The following POLR1C variants were observed in gnomAD, a reference collection of about 807,000 sequenced individuals.
POLR1C encodes RNA polymerase I and III subunit C, also known as DNA-directed RNA polymerases I and III subunit RPAC1.
Under a neutral mutation model 38.3 loss-of-function variants are expected in POLR1C, and 42 were observed. The ratio of observed to expected loss-of-function variants is 1.10; its 90% CI spans 0.86 to 1.42. The LOEUF (loss-of-function observed/expected upper bound fraction) is 1.42. Ranked by LOEUF, POLR1C falls within the 40% of genes most tolerant of loss-of-function variation. The pLI, the probability that POLR1C is intolerant of heterozygous loss-of-function variation, is 0.00. For missense variants in POLR1C, 507 were observed against 450.5 expected (o/e 1.13, Z -1.14); for synonymous variants, 163 against 163.9 (o/e 0.99, Z 0.04).
In POLR1C at chr6:43,538,947, G is replaced by A. The variant is rs1794519121; in HGVS notation, c.*4+9588G>A. 9 of 1,338,344 alleles carry A rather than the reference G, an allele frequency of 6.7e-6. No homozygotes were observed. In the South Asian group the frequency reaches 1.0e-4, roughly 16 times the overall value. The allele number at this position is 1,338,344 out of a possible 1,614,324, so 82.9% of individuals were successfully genotyped here. A position where few individuals can be genotyped will look rare whatever the true frequency, so the allele number is the denominator to read the frequency against. On this transcript the variant is annotated intron_variant, in intron 9 of 10. Transcript: ENST00000607635. ...AATACAGTCTCCTTCCAGAGGTCGG[G>A]GGTCAGGTAGCTGTAGGTCTTAGAA... is the stretch of plus-strand genomic sequence containing the variant.
intron 8 of POLR1C, chr6:43,526,618 C>T (rs376640716): frequency 8.9e-6 from 14 of 1,580,244 alleles, no homozygotes; most frequent in Non-Finnish European, 2.6e-6. Context: ...GGAAACTGAC[C>T]TGGTTCAGAA....
In POLR1C at chr6:43,517,334, A is replaced by C. The variant is rs562499631; in HGVS notation, c.98A>C (p.Tyr33Ser). ...NVHTTDFPGN[Y>S]SGYDDAWDQD... Reference sequence around the variant, plus strand: ...CATACTACTGACTTTCCCGGTAACTATTCCGGTTATGATGATGCCTGGGAC... The same window carrying C: ...CATACTACTGACTTTCCCGGTAACTCTTCCGGTTATGATGATGCCTGGGAC... The change falls in exon 2 of 9, where the codon TAT becomes TCT. Residue 33 changes from tyrosine to serine, a missense_variant. Tyr to Ser is a moderately radical substitution (Grantham distance 144, BLOSUM62 -2). Coordinates refer to ENST00000642195, the MANE Select transcript of POLR1C (RefSeq NM_203290.4). 6.2e-7 allele frequency: 1 copy of C among 1,613,888 alleles called. No individual in the cohort carries two copies. The highest frequency in any genetic ancestry group is 1.3e-5 in the African/African-American group (1 of 74,844).
downstream of POLR1C, among the ~76,000 whole-genome samples, chr6:43,522,135 CTG>C (rs550910439): frequency 2.0e-3 from 301 of 152,318 alleles, 1 homozygote; most frequent in Middle Eastern, 0.02. Context: ...ACGAAAGACA[CTG>C]TGAGAATGGT....
chr6:43,540,427 C>T (rs1242667900), intron 9 of POLR1C, among the ~76,000 whole-genome samples: 1 of 151,974 alleles, frequency 6.6e-6, no homozygotes, highest in Non-Finnish European at 1.5e-5. Context: ...TGCAGTGAGC[C>T]GAGATGGCGC....
chr6:43,529,678 T>C (rs1178052231), downstream of POLR1C: 1 of 160,422 alleles, frequency 6.2e-6, no homozygotes, highest in Non-Finnish European at 1.4e-5. Flanking sequence ...TTCTAGCACT[T>C]TGGAGGCTGA....
In POLR1C at chr6:43,520,745, C is replaced by G. The variant is rs762584743; in HGVS notation, c.776C>G (p.Pro259Arg). ...AAEELSRCFS[P>R]GVIEVQEVQG... Reference sequence around the variant, plus strand: ...GAGGAGTTGAGCAGGTGCTTCTCACCTGGTGTTATTGAGGTGCAGGAAGTC... The same window carrying G: ...GAGGAGTTGAGCAGGTGCTTCTCACGTGGTGTTATTGAGGTGCAGGAAGTC... Residue 259 changes from proline (P) to arginine (R), a missense_variant, in exon 7 of 9, where the codon CCT (proline) becomes CGT (arginine). By Grantham distance (103) the Pro-to-Arg change is moderately radical. Coordinates refer to ENST00000642195, the MANE Select transcript of POLR1C (RefSeq NM_203290.4). The G allele has an allele frequency of 6.2e-7, 1 of 1,614,090 alleles. No individual in the cohort carries two copies.
rs377011345 is a variant in POLR1C at position 43,527,685 on chromosome 6, G to A, written c.923-1564G>A. The A allele has an allele frequency of 9.9e-6, 16 of 1,613,922 alleles. No individual in the cohort carries two copies. The African/African-American group carries it at 2.1e-4, about 22-fold the overall frequency. On this transcript the variant is annotated intron_variant, in intron 8 of 8. Transcript: ENST00000304004. ...AACATCCTCACCAGTTGCTCCTCCAGCATCTCTTGAGACTCTGGGTTTTCA... is the reference window on the plus strand; with the variant it reads ...AACATCCTCACCAGTTGCTCCTCCAACATCTCTTGAGACTCTGGGTTTTCA...
chr6:43,535,136 C>A (rs1395106815), intron 9 of POLR1C, among the ~76,000 whole-genome samples: 1 of 150,326 alleles, frequency 6.7e-6, no homozygotes, highest in Non-Finnish European at 1.5e-5. Context: ...ACTAAAAATA[C>A]AAAAAATTAG....
intron 10 of POLR1C, among the ~76,000 whole-genome samples, chr6:43,556,784 A>C (rs1300455246): frequency 1.3e-5 from 2 of 152,352 alleles, no homozygotes; most frequent in East Asian, 3.9e-4. Flanking sequence ...CCATCAACAG[A>C]TGAATAAATG....
intron 2 of POLR1C, chr6:43,519,040 T>C: frequency 2.3e-6 from 1 of 444,444 alleles, no homozygotes; most frequent in South Asian, 2.1e-5. Context: ...GACTGAGTAG[T>C]GTCAACAAAA....
At chr6:43,556,000 C>T in intron 10 of POLR1C, 1 of 1,610,214 alleles carries the variant, frequency 6.2e-7, no homozygotes, top group Non-Finnish European at 8.5e-7. Flanking sequence ...GGACAGGAAT[C>T]AATAACTGGT....
At chr6:43,530,909 C>A, downstream of POLR1C, 3 of 1,476,990 alleles carry the variant, frequency 2.0e-6, no homozygotes, top group South Asian at 1.4e-5. Flanking sequence ...TCATTTCTAG[C>A]CTACAATAAG....
intron 9 of POLR1C, among the ~76,000 whole-genome samples, chr6:43,536,807 G>A (rs1317038269): frequency 7.0e-6 from 1 of 142,920 alleles, no homozygotes; most frequent in East Asian, 2.0e-4. Flanking sequence ...TTACTTTTTG[G>A]GTTTTAAAAC....
At chr6:43,538,804 T>A in intron 9 of POLR1C, 1 of 907,718 alleles carries the variant, frequency 1.1e-6, no homozygotes, top group East Asian at 2.6e-5. Context: ...TTCACTTTAT[T>A]TTTCTTGTAT....
rs186877420 is a variant in POLR1C at position 43,551,371 on chromosome 6, A to G, written c.*48+360A>G. ...AAAGAGTGCAGAGACATTAGTAAGG[A>G]CGCAGGACAGGATGAGGGGATCCTT... is the stretch of plus-strand genomic sequence containing the variant. On this transcript the variant is annotated intron_variant, in intron 10 of 10. Coordinates refer to the POLR1C transcript ENST00000607635. The G allele has an allele frequency of 2.1e-4, 334 of 1,613,992 alleles. 1 individual carries two copies. The East Asian group carries it at 5.4e-3, about 26-fold the overall frequency.
At chr6:43,561,014 G>C (rs1426427634) in intron 10 of POLR1C, 2 of 1,609,580 alleles carry the variant, frequency 1.2e-6, no homozygotes, top group African/African-American at 2.7e-5. Flanking sequence ...CACCCTGTAG[G>C]AGAAGACCAC....
intron 9 of POLR1C, among the ~76,000 whole-genome samples, chr6:43,550,162 T>C (rs911257765): frequency 6.6e-6 from 1 of 152,184 alleles, no homozygotes; most frequent in Non-Finnish European, 1.5e-5. Context: ...CATTTTACAA[T>C]AGGATCCCAG....
intron 9 of POLR1C, among the ~76,000 whole-genome samples, chr6:43,548,740 AT>A (rs1795087073): frequency 6.6e-6 from 1 of 150,768 alleles, no homozygotes; most frequent in Non-Finnish European, 1.5e-5. Context: ...ATAGATATAT[AT>A]GTATATCTAT....
chr6:43,531,542 G>A (rs1310504623), downstream of POLR1C: 1 of 1,613,846 alleles, frequency 6.2e-7, no homozygotes, highest in African/African-American at 1.3e-5. Flanking sequence ...GAAGACAGGA[G>A]AGTCATTGAG....
Sources: allele counts gnomAD v4.1 joint callset (sites outside exome capture counted in the v4.1 genomes callset), GRCh38; gene constraint gnomAD v4.1.1; transcripts MANE v1.5; gene names NCBI Gene and HGNC (gene_info 2026-07-23, HGNC 2026-07-21).